Variants in IDH3A observed in about 807,000 individuals in gnomAD.
IDH3A encodes isocitrate dehydrogenase [NAD] subunit alpha, mitochondrial.
In IDH3A, 23 loss-of-function variants were observed where a neutral mutation model predicts 43.3. The observed-to-expected ratio is 0.53, with a 90% CI of 0.38 to 0.75. The LOEUF is 0.75. IDH3A is among the 30% of genes least tolerant of loss of function. IDH3A has a pLI of 0.00. For synonymous variants in IDH3A, 154 were observed against 163.5 expected (o/e 0.94, Z 0.44); for missense variants, 329 against 474.4 (o/e 0.69, Z 2.85).
intron 1 of IDH3A, among the ~76,000 whole-genome samples, 172 bp from the exon 2 acceptor site, chr15:78,155,041 A>G (rs1251611479): frequency 1.3e-5 from 2 of 152,222 alleles, no homozygotes; most frequent in Non-Finnish European, 2.9e-5. Context: ...AGGCTTTCAA[A>G]TCTGAGATAG....
intron 8 of IDH3A, among the ~76,000 whole-genome samples, chr15:78,164,513 G>A (rs12904404): frequency 0.27 from 40,616 of 151,938 alleles, 6,445 homozygotes; most frequent in Non-Finnish European, 0.37. Flanking sequence ...CACCACACCT[G>A]GCTAATTTTT....
At chr15:78,167,199 G>A (rs952585744) in intron 10 of IDH3A, among the ~76,000 whole-genome samples, 1 of 152,160 alleles carries the variant, frequency 6.6e-6, no homozygotes. Flanking sequence ...CAACTTTTAA[G>A]TTCTTTATAT....
intron 2 of IDH3A, 38 bp downstream of exon 2, chr15:78,155,313 A>G: frequency 7.2e-7 from 1 of 1,384,958 alleles, no homozygotes; most frequent in African/African-American, 1.4e-5. Flanking sequence ...TCCTTTTAGA[A>G]GTTTCTCAAG....
At chr15:78,157,040 A>G (rs992884709) in intron 2 of IDH3A, 2 of 1,229,136 alleles carry the variant, frequency 1.6e-6, no homozygotes, top group African/African-American at 3.2e-5. Context: ...GACCTCAGTA[A>G]TATTTTGGAA....
In IDH3A at chr15:78,161,484, C is replaced by A; in HGVS notation, c.290-97C>A. 2 of 884,512 alleles carry A rather than the reference C, an allele frequency of 2.3e-6. No individual in the cohort carries two copies. The highest frequency in any genetic ancestry group is 3.6e-6 in the Non-Finnish European group (2 of 558,468). The allele number at this position is 884,512 out of a possible 1,614,324, so 54.8% of individuals were successfully genotyped here. A position where few individuals can be genotyped will look rare whatever the true frequency, so the allele number is the denominator to read the frequency against. On this transcript the variant is annotated intron_variant, in intron 4 of 10. Transcript: ENST00000299518. This position sits in a 1 kb window ranked among gnomAD's most constrained non-coding sequence, Gnocchi z 4.8. ...TCTCAGGTAGAGAGTGAACTAGAGG[C>A]AGAACACATTTCACAAGGTAGCCGA...
At chr15:78,165,172 C>A in intron 9 of IDH3A, 96 bp downstream of exon 9, 3 of 755,014 alleles carry the variant, frequency 4.0e-6, no homozygotes, top group Non-Finnish European at 4.6e-6. Flanking sequence ...TCCAGTTTTT[C>A]AAATTGTCAA....
intron 4 of IDH3A, among the ~76,000 whole-genome samples, chr15:78,160,694 A>G (rs2141296373): frequency 1.3e-5 from 2 of 152,216 alleles, no homozygotes; most frequent in South Asian, 4.1e-4. Context: ...GGGTCTCACT[A>G]TGTTTCCCAG....
intron 10 of IDH3A, 58 bp from the exon 11 acceptor site, chr15:78,168,864 C>T: frequency 8.7e-7 from 1 of 1,143,532 alleles, no homozygotes; most frequent in Non-Finnish European, 1.3e-6. Flanking sequence ...TTTAAAATCT[C>T]CTTGGTTTAG....
In IDH3A at chr15:78,161,521, A is replaced by G; in HGVS notation, c.290-60A>G. ...CACAAGGTAGCCGAGGTGGGTTAGT[A>G]GGTCACACGTGAGACCAGAATTCCT... On this transcript the variant is annotated intron_variant, in intron 4 of 10. Coordinates refer to ENST00000299518, the MANE Select transcript of IDH3A (RefSeq NM_005530.3). The surrounding 1 kb of genome is among the most constrained non-coding windows in gnomAD (Gnocchi z 4.8). The G allele has an allele frequency of 7.3e-7, 1 of 1,376,468 alleles. No homozygotes were observed. Among genetic ancestry groups the G allele is most frequent in the Non-Finnish European group, 1.0e-6 (1 of 985,734 alleles). 85.3% of individuals were successfully genotyped at this position (1,376,468 alleles called of 1,614,324 possible). A position where few individuals can be genotyped will look rare whatever the true frequency, so the allele number is the denominator to read the frequency against.
chr15:78,161,529 C>A lies in IDH3A; in HGVS notation c.290-52C>A. On this transcript the variant is annotated intron_variant, in intron 4 of 10. Transcript: ENST00000299518. This position sits in a 1 kb window ranked among gnomAD's most constrained non-coding sequence, Gnocchi z 4.8. ...AGCCGAGGTGGGTTAGTAGGTCACA[C>A]GTGAGACCAGAATTCCTTCTAGTGT... 6 of 1,500,650 alleles carry A rather than the reference C, an allele frequency of 4.0e-6. No individual in the cohort carries two copies. Among genetic ancestry groups the A allele is most frequent in the Non-Finnish European group, 5.5e-6 (6 of 1,093,258 alleles). The allele number at this position is 1,500,650 out of a possible 1,614,324, so 93.0% of individuals were successfully genotyped here. A position where few individuals can be genotyped will look rare whatever the true frequency, so the allele number is the denominator to read the frequency against.
chr15:78,163,117 C>T (rs935057358), intron 6 of IDH3A, among the ~76,000 whole-genome samples: 8 of 152,174 alleles, frequency 5.3e-5, no homozygotes, highest in Non-Finnish European at 7.4e-5. Context: ...TTAAAGTCCT[C>T]TGAATATATT....
At chr15:78,167,638 C>G (rs2074761927) in intron 10 of IDH3A, 1 of 152,218 alleles carries the variant, frequency 6.6e-6, no homozygotes, top group Non-Finnish European at 1.5e-5. Flanking sequence ...CAAACTGAGA[C>G]TCTGCACCCG....
At chr15:78,156,405 C>T (rs1463823845) in intron 2 of IDH3A, among the ~76,000 whole-genome samples, 1 of 151,992 alleles carries the variant, frequency 6.6e-6, no homozygotes, top group African/African-American at 2.4e-5. Context: ...GCCAGGAGTT[C>T]GAGGCTGCAG....
intron 8 of IDH3A, among the ~76,000 whole-genome samples, chr15:78,164,298 T>C (rs2074714500): frequency 6.7e-6 from 1 of 149,192 alleles, no homozygotes; most frequent in African/African-American, 2.5e-5. Context: ...TCTCTCTCTC[T>C]CTCTCTCCCC....
intron 10 of IDH3A, chr15:78,167,883 GTTTTTAACA>G (rs2074765351): frequency 6.6e-6 from 1 of 152,136 alleles, no homozygotes; most frequent in South Asian, 2.1e-4. Context: ...ATTCAGGCTT[GTTTTTAACA>G]GCCTGATAGT....
rs757549057 is a variant in IDH3A at position 78,160,087 on chromosome 15, T to C, written c.175-5T>C. 2.6e-6 allele frequency: 4 copies of C among 1,562,178 alleles called. No individual in the cohort carries two copies. The East Asian group carries it at 9.0e-5, about 35-fold the overall frequency. ...GCTCACTGTGCTCTGTGATGTGGCA[T>C]CTAGGCACCTATTCAGTGGGAGGAG... On this transcript the variant is annotated splice_region_variant and splice_polypyrimidine_tract_variant and intron_variant, in intron 3 of 10. Coordinates refer to ENST00000299518, the MANE Select transcript of IDH3A (RefSeq NM_005530.3).
In IDH3A at chr15:78,163,588, C is replaced by A; in HGVS notation, c.693C>A (p.Tyr231Ter). The A allele has an allele frequency of 6.2e-7, 1 of 1,606,470 alleles. No homozygotes were observed. Among genetic ancestry groups the A allele is most frequent in the Non-Finnish European group, 8.5e-7 (1 of 1,173,402 alleles). Residue 231 changes from tyrosine to a stop codon, truncating the protein, a stop_gained, in exon 7 of 11, where the codon TAC becomes TAA. Coordinates refer to ENST00000299518, the MANE Select transcript of IDH3A (RefSeq NM_005530.3). LOFTEE classifies it high-confidence loss of function. The part of the protein sequence containing the change: ...SCKDIKFNEM[Y>*]LDTVCLNMVQ... ...AAGATATTAAATTTAATGAGATGTACCTTGATACAGTATGTTTGAATGTAA... is the reference window on the plus strand; with the variant it reads ...AAGATATTAAATTTAATGAGATGTAACTTGATACAGTATGTTTGAATGTAA...
In IDH3A at chr15:78,163,621, T is replaced by C. The variant is rs761836999; in HGVS notation, c.714+12T>C. On this transcript the variant is annotated intron_variant, in intron 7 of 10. Transcript: ENST00000299518. ...CAGTATGTTTGAATGTAAGTATATATTCACACTTACCTGCTACTTTTTATG... is the reference window on the plus strand; with the variant it reads ...CAGTATGTTTGAATGTAAGTATATACTCACACTTACCTGCTACTTTTTATG... 24 of 1,577,404 alleles carry C rather than the reference T, an allele frequency of 1.5e-5. No homozygotes were observed. The highest frequency in any genetic ancestry group is 2.0e-5 in the Non-Finnish European group (23 of 1,146,902).
intron 10 of IDH3A, chr15:78,168,709 C>T: frequency 2.6e-6 from 1 of 381,876 alleles, no homozygotes. Flanking sequence ...TTATTCTTTG[C>T]AGAGTGCTGT....
Sources: allele counts gnomAD v4.1 joint callset (sites outside exome capture counted in the v4.1 genomes callset), GRCh38; gene constraint gnomAD v4.1.1; non-coding constraint Gnocchi (gnomAD v3.1); transcripts MANE v1.5; gene names NCBI Gene and HGNC (gene_info 2026-07-23, HGNC 2026-07-21).